Variants in PAPPA2 observed in about 807,000 individuals in gnomAD.
PAPPA2 encodes the protein pappalysin-2.
PAPPA2 carries 86 observed loss-of-function variants against 176.4 expected under a neutral mutation model. The observed-to-expected ratio is 0.49, with a 90% CI of 0.41 to 0.58. PAPPA2 has a LOEUF of 0.58. Ranked by LOEUF, PAPPA2 falls within the 20% of genes least tolerant of loss-of-function variation. PAPPA2 has a pLI of 0.00. For missense variants in PAPPA2, 2,073 were observed against 2,256.9 expected (o/e 0.92, Z 1.65); for synonymous variants, 809 against 852.2 (o/e 0.95, Z 0.88).
chr1:176,543,663 G>A (rs1650479500), intron 1 of PAPPA2, among the ~76,000 whole-genome samples: 4 of 152,156 alleles, frequency 2.6e-5, no homozygotes, highest in African/African-American at 7.2e-5. Flanking sequence ...CACACCTGGG[G>A]ATGGTGGAAG....
chr1:176,724,681 G>T (rs941816992), intron 12 of PAPPA2, among the ~76,000 whole-genome samples: 2 of 152,018 alleles, frequency 1.3e-5, no homozygotes, highest in Non-Finnish European at 2.9e-5. Flanking sequence ...CCTTTGTTTG[G>T]GTTCGACTCT....
intron 1 of PAPPA2, among the ~76,000 whole-genome samples, chr1:176,490,681 A>G (rs1312270886): frequency 5.3e-5 from 8 of 152,176 alleles, no homozygotes; most frequent in Non-Finnish European, 8.8e-5. Context: ...TGAAATGACC[A>G]GAGTTCAAAG....
intron 4 of PAPPA2, among the ~76,000 whole-genome samples, chr1:176,685,128 A>G (rs991542792): frequency 2.6e-5 from 4 of 151,958 alleles, no homozygotes; most frequent in African/African-American, 9.7e-5. Context: ...GGAGCCAATG[A>G]AGGTTACAGG....
chr1:176,800,155 A>C, intron 21 of PAPPA2, 23 bp downstream of exon 21: 1 of 1,611,714 alleles, frequency 6.2e-7, no homozygotes, highest in Non-Finnish European at 8.5e-7. Context: ...CCCCTTCCCC[A>C]ACTCAGACTA....
At chr1:176,832,033 G>T (rs73050127) in intron 21 of PAPPA2, among the ~76,000 whole-genome samples, 4,666 of 152,186 alleles carry the variant, frequency 0.031, 250 homozygotes, top group African/African-American at 0.11. Flanking sequence ...CTAAAGTGTT[G>T]GTGGCAGAAT....
chr1:176,709,068 A>G (rs536718587), intron 10 of PAPPA2, among the ~76,000 whole-genome samples: 12 of 152,192 alleles, frequency 7.9e-5, no homozygotes, highest in Non-Finnish European at 1.2e-4. Context: ...CTATGTATCT[A>G]TAAAGAGTCA....
chr1:176,556,109 C>G lies in PAPPA2; in HGVS notation c.-214C>G. ...GAGAAGCGTGCGGGAAGCACATGCC[C>G]TGGGGAGGCATAGAAGCCACACTGG... On this transcript the variant is annotated 5_prime_UTR_variant, in exon 2 of 23. Transcript: ENST00000367662. 1.7e-6 allele frequency: 1 copy of G among 593,418 alleles called. No individual in the cohort carries two copies. The highest frequency in any genetic ancestry group is 3.0e-6 in the Non-Finnish European group (1 of 338,966). The allele number at this position is 593,418 out of a possible 1,614,324, so 36.8% of individuals were successfully genotyped here.
chr1:176,792,964 C>G (rs1005627094), intron 19 of PAPPA2, among the ~76,000 whole-genome samples: 1 of 152,118 alleles, frequency 6.6e-6, no homozygotes, highest in Admixed American at 6.5e-5. Flanking sequence ...TCACTGCTTC[C>G]TCCTTTAATC....
chr1:176,649,663 G>T (rs561152593), intron 3 of PAPPA2, among the ~76,000 whole-genome samples: 76 of 151,344 alleles, frequency 5.0e-4, no homozygotes, highest in Admixed American at 1.6e-3. Context: ...TTGATGTAAT[G>T]GTCACTCAGA....
chr1:176,486,249 A>G (rs776458817), intron 1 of PAPPA2, among the ~76,000 whole-genome samples: 4 of 152,192 alleles, frequency 2.6e-5, no homozygotes, highest in African/African-American at 4.8e-5. Context: ...CCAAAGTAGC[A>G]TGTTTTGGAG....
At chr1:176,634,236 T>G (rs372217470) in intron 3 of PAPPA2, among the ~76,000 whole-genome samples, 1 of 152,128 alleles carries the variant, frequency 6.6e-6, no homozygotes, top group Non-Finnish European at 1.5e-5. Flanking sequence ...AATGTGGCAC[T>G]TATACACCAT....
intron 3 of PAPPA2, among the ~76,000 whole-genome samples, chr1:176,637,029 A>G (rs1185162205): frequency 1.3e-5 from 2 of 152,140 alleles, no homozygotes; most frequent in Non-Finnish European, 2.9e-5. Context: ...TACTTCTGAA[A>G]GAGGTAAAAT....
At chr1:176,634,399 T>C (rs1199839434) in intron 3 of PAPPA2, among the ~76,000 whole-genome samples, 1 of 151,902 alleles carries the variant, frequency 6.6e-6, no homozygotes, top group Non-Finnish European at 1.5e-5. Flanking sequence ...ATGAGAACAC[T>C]TGGACACAGG....
At chr1:176,699,688 G>A in intron 8 of PAPPA2, 99 bp downstream of exon 8, 1 of 1,480,970 alleles carries the variant, frequency 6.8e-7, no homozygotes, top group Non-Finnish European at 9.0e-7. Flanking sequence ...CCCTTAGTCG[G>A]AGGAATGTTT....
chr1:176,787,093 A>G (rs144898015), intron 17 of PAPPA2, among the ~76,000 whole-genome samples: 6 of 152,328 alleles, frequency 3.9e-5, no homozygotes, highest in Non-Finnish European at 8.8e-5. Context: ...AAGAAAAAAA[A>G]AGTGCTGTTT....
At chr1:176,812,726 C>G (rs963948169) in intron 21 of PAPPA2, among the ~76,000 whole-genome samples, 1 of 151,940 alleles carries the variant, frequency 6.6e-6, no homozygotes, top group Non-Finnish European at 1.5e-5. Flanking sequence ...TTATTTATTA[C>G]AAGGACTGAG....
At chr1:176,719,553 A>G (rs1661525594) in intron 12 of PAPPA2, among the ~76,000 whole-genome samples, 1 of 152,098 alleles carries the variant, frequency 6.6e-6, no homozygotes, top group South Asian at 2.1e-4. Context: ...CCTTTAACGT[A>G]AGTTTTTTTC....
At chr1:176,514,012 A>G (rs1164263937) in intron 1 of PAPPA2, among the ~76,000 whole-genome samples, 1 of 152,198 alleles carries the variant, frequency 6.6e-6, no homozygotes, top group Non-Finnish European at 1.5e-5. Context: ...TATTACCACA[A>G]TTTTATGGAT....
At chr1:176,833,896 G>C (rs1190825797) in intron 21 of PAPPA2, among the ~76,000 whole-genome samples, 1 of 151,954 alleles carries the variant, frequency 6.6e-6, no homozygotes, top group Non-Finnish European at 1.5e-5. Context: ...AGTGTCTACA[G>C]TATATGCATT....
Sources: allele counts gnomAD v4.1 joint callset (sites outside exome capture counted in the v4.1 genomes callset), GRCh38; gene constraint gnomAD v4.1.1; transcripts MANE v1.5; gene names NCBI Gene and HGNC (gene_info 2026-07-23, HGNC 2026-07-21).